Variants in GCN1 observed in about 807,000 individuals in gnomAD.
GCN1 encodes stalled ribosome sensor GCN1.
Under a neutral mutation model 288.4 loss-of-function variants are expected in GCN1, and 90 were observed. The ratio of observed to expected loss-of-function variants is 0.31; its 90% confidence interval spans 0.26 to 0.37. The LOEUF is 0.37. Among genes scored for constraint, GCN1 ranks in the 10% least tolerant of loss-of-function variants. The pLI, the probability that GCN1 is intolerant of heterozygous loss-of-function variation, is 1.00. For synonymous variants in GCN1, 1,386 were observed against 1,420.2 expected, an observed-to-expected ratio of 0.98 and a Z score of 0.54; for missense variants, 2,586 against 3,419.9, an observed-to-expected ratio of 0.76 and a Z score of 6.08.
Position 120,169,522 on chromosome 12 carries a change from T to G in GCN1, c.1519+647A>C, listed in dbSNP as rs151071387. On this transcript the variant is annotated intron_variant, in intron 15 of 57. Coordinates refer to ENST00000300648, the MANE Select transcript of GCN1 (RefSeq NM_006836.2). Reference sequence around the variant, plus strand: ...ATTGGTAATACTGTTTTTTCTTTCTTAGACAAAGTCTCACTGTGCCACCCA... The same window carrying G: ...ATTGGTAATACTGTTTTTTCTTTCTGAGACAAAGTCTCACTGTGCCACCCA... Among the ~76,000 whole-genome samples, 1,129 of 152,110 alleles carry G rather than the reference T, an allele frequency of 7.4e-3. 27 individuals are homozygous for G. In the East Asian group the frequency reaches 0.1, roughly 13 times the overall value.
intron 5 of GCN1, among the ~76,000 whole-genome samples, chr12:120,182,548 T>C (rs537193489): frequency 6.6e-6 from 1 of 152,274 alleles, no homozygotes; most frequent in South Asian, 2.1e-4. Context: ...CGACAACTCT[T>C]TGAGGTGGAC....
intron 54 of GCN1, among the ~76,000 whole-genome samples, chr12:120,131,573 G>C (rs577805992): frequency 2.0e-4 from 30 of 152,318 alleles, no homozygotes; most frequent in Middle Eastern, 3.4e-3. Flanking sequence ...TGTGTTCTTT[G>C]AGCAGAGACA....
Position 120,127,964 on chromosome 12 carries a change from T to C in GCN1, c.7901A>G (p.Lys2634Arg), listed in dbSNP as rs750571722. 6.2e-7 allele frequency: 1 copy of C among 1,613,920 alleles called. No individual in the cohort carries two copies. Among genetic ancestry groups the C allele is most frequent in the African/African-American group, 1.3e-5 (1 of 74,878 alleles). ...CTCCAAACTGGCCACATCCAGGATC[T>C]TGGAGAGGGACTGTGGGGAAGGATG... ...QGEEVFQSLS[K>R]ILDVASLEVL... Residue 2634 changes from lysine to arginine, a missense_variant, in exon 58 of 58, where the codon AAG (lysine) becomes AGG (arginine). Physicochemically the swap from Lys to Arg is conservative, Grantham distance 26. Coordinates refer to ENST00000300648, the MANE Select transcript of GCN1 (RefSeq NM_006836.2).
intron 11 of GCN1, 127 bp from the exon 12 acceptor site, chr12:120,175,339 A>C: frequency 2.2e-6 from 2 of 911,898 alleles, no homozygotes; most frequent in Non-Finnish European, 3.5e-6. Context: ...TGTGTTGTGA[A>C]GCTGGGTTTA....
chr12:120,164,833 T>C (rs1878048567), intron 16 of GCN1, 112 bp from the exon 17 acceptor site: 3 of 658,246 alleles, frequency 4.6e-6, no homozygotes, highest in Non-Finnish European at 7.9e-6. Context: ...AAAATATAAA[T>C]GTGATTATCA....
chr12:120,172,372 A>G (rs2139127760), intron 14 of GCN1, among the ~76,000 whole-genome samples: 1 of 152,358 alleles, frequency 6.6e-6, no homozygotes, highest in Non-Finnish European at 1.5e-5. Flanking sequence ...TTGCTTTCAA[A>G]TCAGTGCAAA....
intron 5 of GCN1, among the ~76,000 whole-genome samples, chr12:120,179,397 A>AT (rs1224651602): frequency 0.05 from 6,313 of 127,178 alleles, 235 homozygotes; most frequent in African/African-American, 0.057. Flanking sequence ...TGCCCAGCTA[A>AT]TTTTTTTTTT....
chr12:120,183,455 G>A (rs903841714), intron 5 of GCN1, 114 bp downstream of exon 5: 24 of 724,572 alleles, frequency 3.3e-5, no homozygotes, highest in Non-Finnish European at 5.0e-5. Context: ...ACAACTCAGA[G>A]TGTCTGGTCA....
intron 56 of GCN1, 149 bp from the exon 57 acceptor site, chr12:120,129,643 G>A (rs1876749334): frequency 6.2e-6 from 4 of 648,712 alleles, no homozygotes; most frequent in South Asian, 1.8e-5. Flanking sequence ...CTCGACCCTG[G>A]TTTCCTGCAC....
chr12:120,136,836 A>C, intron 50 of GCN1, 104 bp from the exon 51 acceptor site: 3 of 749,458 alleles, frequency 4.0e-6, no homozygotes, highest in Non-Finnish European at 6.8e-6. Flanking sequence ...CCTCAACTCC[A>C]TGGGAGATAT....
At position 120,135,001 on chromosome 12, in the gene GCN1, G is replaced by A. The variant is rs995355813; in HGVS notation, c.7009-275C>T. On this transcript the variant is annotated intron_variant, in intron 51 of 57. Transcript: ENST00000300648. ...GGAGCTGTCTCGCAGCCTTGGCTGC[G>A]TTGGGGTTTGGCTTAGTGGAGACCT... Among the ~76,000 whole-genome samples the A allele has an allele frequency of 6.6e-5, 10 of 152,354 alleles. No individual in the cohort carries two copies. The East Asian group carries it at 1.5e-3, about 24-fold the overall frequency.
chr12:120,168,233 T>C lies in GCN1; in HGVS notation c.1587A>G (p.Lys529=), dbSNP rs1878196366. The C allele has an allele frequency of 1.9e-6, 3 of 1,597,068 alleles. No homozygotes were observed. The highest frequency in any genetic ancestry group is 1.7e-5 in the Admixed American group (1 of 59,978). Residue 529 remains lysine, a synonymous_variant, in exon 16 of 58, where the codon AAA becomes AAG. Transcript: ENST00000300648. ...CATCCTCTGAAGCCATGACCAGGAA[T>C]TTCTCAGAAGTGAAAACCTGCTTTT... The part of the protein sequence containing the change: ...DEKKQVFTSE[K]FLVMASEDAL...
intron 44 of GCN1, among the ~76,000 whole-genome samples, chr12:120,141,704 T>G (rs1278100767): frequency 1.3e-5 from 2 of 152,210 alleles, no homozygotes; most frequent in Non-Finnish European, 2.9e-5. Context: ...AAACATTATT[T>G]ATTCCCTCTG....
At position 120,153,507 on chromosome 12, in the gene GCN1, G is replaced by A. The variant is rs1877637125; in HGVS notation, c.3868-100C>T. 1 of 1,113,972 alleles carries A rather than the reference G, an allele frequency of 9.0e-7. No homozygotes were observed. Among genetic ancestry groups the A allele is most frequent in the Non-Finnish European group, 1.3e-6 (1 of 778,570 alleles). The allele number at this position is 1,113,972 out of a possible 1,614,324, so 69.0% of individuals were successfully genotyped here. On this transcript the variant is annotated intron_variant, in intron 32 of 57. Coordinates refer to ENST00000300648, the MANE Select transcript of GCN1 (RefSeq NM_006836.2). The surrounding 1 kb of genome is among the most constrained non-coding windows in gnomAD (Gnocchi z 4.4). ...GGACCAAGACCAAGTCTAGCTCTGGGACAGGCATCCTGACATGCCAGCCAG... is the reference window on the plus strand; with the variant it reads ...GGACCAAGACCAAGTCTAGCTCTGGAACAGGCATCCTGACATGCCAGCCAG...
intron 57 of GCN1, 50 bp from the exon 58 acceptor site, chr12:120,128,024 C>T: frequency 6.3e-7 from 1 of 1,595,490 alleles, no homozygotes; most frequent in Non-Finnish European, 8.6e-7. Flanking sequence ...ATACGGCTGC[C>T]ACGTTCTCCA....
rs1350009899 is a variant in GCN1 at position 120,155,348 on chromosome 12, C to T, written c.3523G>A (p.Val1175Ile). The change falls in exon 30 of 58, where the codon GTA becomes ATA. Residue 1175 changes from valine (V) to isoleucine (I), a missense_variant. By Grantham distance (29) the Val-to-Ile change is conservative. Coordinates refer to ENST00000300648, the MANE Select transcript of GCN1 (RefSeq NM_006836.2). The surrounding 1 kb of genome is among the most constrained non-coding windows in gnomAD (Gnocchi z 4.9). ...IDDVIYHEAAVRQAGAEALSQ... is the reference protein window; with the variant it reads ...IDDVIYHEAAIRQAGAEALSQ... ...AGGGCTTCGGCCCCTGCCTGCCTTA[C>T]AGCCGCCTCATGATAGATCACGTCG... The T allele has an allele frequency of 1.9e-6, 3 of 1,614,208 alleles. No individual in the cohort carries two copies. In the Middle Eastern group the frequency reaches 4.9e-4, roughly 266 times the overall value.
Position 120,149,705 on chromosome 12 carries a change from C to T in GCN1, c.4447G>A (p.Ala1483Thr). Residue 1483 changes from alanine to threonine, a missense_variant, in exon 36 of 58, where the codon GCC becomes ACC. Transcript: ENST00000300648. ...CTCAAGTTGCTCATCACAGCCTTGGCACAGTCATCTGCAGCCTCAAGGGGG... is the reference window on the plus strand; with the variant it reads ...CTCAAGTTGCTCATCACAGCCTTGGTACAGTCATCTGCAGCCTCAAGGGGG... ...QYVREAADDC[A>T]KAVMSNLSAH... 1 of 1,613,844 alleles carries T rather than the reference C, an allele frequency of 6.2e-7. No homozygotes were observed. Among genetic ancestry groups the T allele is most frequent in the Non-Finnish European group, 8.5e-7 (1 of 1,179,800 alleles).
At chr12:120,154,563 G>A (rs1234579820) in intron 31 of GCN1, among the ~76,000 whole-genome samples, 1 of 152,222 alleles carries the variant, frequency 6.6e-6, no homozygotes, top group African/African-American at 2.4e-5. Flanking sequence ...GAGAAAGGCT[G>A]GTAGCTTCTG....
chr12:120,161,357 CA>C (rs2139114833), intron 22 of GCN1, 132 bp downstream of exon 22: 1 of 669,070 alleles, frequency 1.5e-6, no homozygotes, highest in South Asian at 1.7e-5. Flanking sequence ...AGACACTGGT[CA>C]GGGGCATCAG....
Sources: gnomAD v4.1 joint callset for allele counts (sites outside exome capture counted in the v4.1 genomes callset) on GRCh38, gnomAD v4.1.1 for gene constraint, Gnocchi (gnomAD v3.1) non-coding constraint, MANE v1.5 for transcripts, NCBI Gene and HGNC (gene_info 2026-07-23, HGNC 2026-07-21) for gene names.